SLC4A7: variants seen among roughly 807,000 people sequenced by gnomAD.
The protein encoded by SLC4A7 is sodium bicarbonate cotransporter 3.
In SLC4A7, 51 loss-of-function variants were observed where a neutral mutation model predicts 137.6. The ratio of observed to expected loss-of-function variants is 0.37; its 90% CI spans 0.30 to 0.47. SLC4A7 has a LOEUF of 0.47. Ranked by LOEUF, SLC4A7 falls within the 20% of genes least tolerant of loss-of-function variation. SLC4A7 has a pLI of 1.00. For missense variants in SLC4A7, 1,247 were observed against 1,525.4 expected (o/e 0.82, Z 3.04); for synonymous variants, 542 against 518.6 (o/e 1.05, Z -0.61).
chr3:27,471,086 T>G (rs1175765164), intron 1 of SLC4A7, among the ~76,000 whole-genome samples: 1 of 152,238 alleles, frequency 6.6e-6, no homozygotes, highest in Non-Finnish European at 1.5e-5. Flanking sequence ...TTACATGTCA[T>G]GTATGTATGC....
chr3:27,455,771 G>C (rs145958810), intron 1 of SLC4A7, among the ~76,000 whole-genome samples: 109 of 151,730 alleles, frequency 7.2e-4, no homozygotes, highest in East Asian at 4.3e-3. Context: ...CCAGTTACTT[G>C]GGTTGAACCC....
intron 3 of SLC4A7, among the ~76,000 whole-genome samples, chr3:27,440,032 T>C (rs966804901): frequency 2.0e-5 from 3 of 152,194 alleles, no homozygotes; most frequent in Middle Eastern, 3.2e-3. Context: ...CTTAGTTACA[T>C]TGACAGATGT....
chr3:27,434,990 T>G (rs958688026), intron 5 of SLC4A7, among the ~76,000 whole-genome samples: 1 of 152,184 alleles, frequency 6.6e-6, no homozygotes, highest in Non-Finnish European at 1.5e-5. Flanking sequence ...GAAACCCATA[T>G]GTATTATACA....
At chr3:27,453,690 A>C (rs548317072) in intron 1 of SLC4A7, among the ~76,000 whole-genome samples, 1 of 152,346 alleles carries the variant, frequency 6.6e-6, no homozygotes, top group East Asian at 1.9e-4. Flanking sequence ...TCAGTAAGTA[A>C]ACTCAGGAAC....
In SLC4A7 at chr3:27,447,368, C is replaced by A. The variant is rs565809169; in HGVS notation, c.289+1283G>T. Reference sequence around the variant, plus strand: ...AGAATGTTTAGACACAGAATTTGCACTTTAGATTTTACTATGCCATCAGTA... The same window carrying A: ...AGAATGTTTAGACACAGAATTTGCAATTTAGATTTTACTATGCCATCAGTA... On this transcript the variant is annotated intron_variant, in intron 3 of 25. Transcript: ENST00000454389. Among the ~76,000 whole-genome samples, 3 of 152,282 alleles carry A rather than the reference C, an allele frequency of 2.0e-5. No homozygotes were observed. The South Asian group carries it at 6.2e-4, about 32-fold the overall frequency.
At chr3:27,466,163 G>A (rs2058984378) in intron 1 of SLC4A7, among the ~76,000 whole-genome samples, 1 of 151,754 alleles carries the variant, frequency 6.6e-6, no homozygotes, top group African/African-American at 2.4e-5. Context: ...AGAAAAGGGG[G>A]TACATTGGCT....
chr3:27,414,002 A>G (rs2055124), intron 11 of SLC4A7, among the ~76,000 whole-genome samples: 140,794 of 152,258 alleles, frequency 0.92, 65,223 homozygotes, highest in East Asian at 1. Flanking sequence ...AGTTGAGGCC[A>G]GGCGTGGTGG....
At chr3:27,414,204 C>T (rs536550784) in intron 11 of SLC4A7, among the ~76,000 whole-genome samples, 4 of 152,160 alleles carry the variant, frequency 2.6e-5, no homozygotes, top group Non-Finnish European at 5.9e-5. Context: ...CACCTGAACC[C>T]GGGAGGCAGA....
intron 7 of SLC4A7, among the ~76,000 whole-genome samples, chr3:27,427,672 A>G (rs1014118505): frequency 6.6e-5 from 10 of 152,158 alleles, no homozygotes; most frequent in African/African-American, 2.4e-4. Context: ...AAACTCCATT[A>G]GAGTTTCTAG....
At position 27,431,310 on chromosome 3, in the gene SLC4A7, C is replaced by A; in HGVS notation, c.1138G>T (p.Asp380Tyr). The stretch of plus-strand genomic sequence containing the variant: ...TTTGGATAGTTGCCTGGAGTTAAGT[C>A]AACATTTTCCTCATTCTTCTGCTCC... ...GEEQKNEENV[D>Y]LTPGILASPQ... is the part of the protein sequence containing the mutation. The change falls in exon 7 of 26, where the codon GAC (aspartate) becomes TAC (tyrosine). Residue 380 changes from aspartate (D) to tyrosine (Y), a missense_variant. Asp to Tyr is a radical substitution (Grantham distance 160). Around this residue, in one of 6 missense-constraint regions of SLC4A7, gnomAD observed 499 missense variants for 664.2 expected, o/e 0.75. Transcript: ENST00000454389. 2 of 1,580,944 alleles carry A rather than the reference C, an allele frequency of 1.3e-6. No individual in the cohort carries two copies. The highest frequency in any genetic ancestry group is 1.2e-5 in the South Asian group (1 of 86,120).
At chr3:27,395,189 G>A in intron 18 of SLC4A7, 74 bp from the exon 19 acceptor site, 1 of 1,066,024 alleles carries the variant, frequency 9.4e-7, no homozygotes, top group Non-Finnish European at 1.3e-6. Flanking sequence ...ACATAGACTT[G>A]ATCTGTTCCA....
intron 21 of SLC4A7, among the ~76,000 whole-genome samples, chr3:27,391,187 G>A (rs1057312449): frequency 1.3e-5 from 2 of 152,134 alleles, no homozygotes; most frequent in African/African-American, 4.8e-5. Context: ...TTGTTTCCCA[G>A]TAACTATTAA....
intron 1 of SLC4A7, among the ~76,000 whole-genome samples, chr3:27,465,935 CAG>C (rs1170921122): frequency 1.7e-5 from 2 of 118,948 alleles, no homozygotes; most frequent in African/African-American, 3.3e-5. Flanking sequence ...GCCTGGGCGA[CAG>C]AGCAAGAGTC....
chr3:27,376,711 C>G lies in SLC4A7; in HGVS notation c.*53G>C. 4.8e-6 allele frequency: 5 copies of G among 1,036,226 alleles called. No individual in the cohort carries two copies. Among genetic ancestry groups the G allele is most frequent in the Non-Finnish European group, 7.5e-6 (5 of 666,856 alleles). 64.2% of individuals were successfully genotyped at this position (1,036,226 alleles called of 1,614,324 possible). A position where few individuals can be genotyped will look rare whatever the true frequency, so the allele number is the denominator to read the frequency against. ...TATTCTTATATATAGTGACATGATA[C>G]GCACACATTACATATGTATATATCT... On this transcript the variant is annotated 3_prime_UTR_variant, in exon 26 of 26. Transcript: ENST00000454389.
intron 19 of SLC4A7, 84 bp from the exon 20 acceptor site, chr3:27,394,853 G>A: frequency 1.3e-6 from 2 of 1,544,892 alleles, no homozygotes; most frequent in East Asian, 4.5e-5. Context: ...AAAGAGGGAA[G>A]AAGCTAATTT....
At chr3:27,416,726 T>C (rs2054424206) in intron 11 of SLC4A7, among the ~76,000 whole-genome samples, 1 of 152,158 alleles carries the variant, frequency 6.6e-6, no homozygotes, top group Admixed American at 6.5e-5. Context: ...TCATTTCATA[T>C]AAAAGCAACA....
chr3:27,409,301 A>G, intron 13 of SLC4A7, 55 bp downstream of exon 13: 1 of 1,358,030 alleles, frequency 7.4e-7, no homozygotes, highest in Non-Finnish European at 1.0e-6. Flanking sequence ...AAATGCATAC[A>G]GACACTTGCC....
intron 1 of SLC4A7, among the ~76,000 whole-genome samples, chr3:27,474,745 AG>A (rs2059396324): frequency 6.6e-6 from 1 of 152,198 alleles, no homozygotes; most frequent in African/African-American, 2.4e-5. Context: ...AAATAAATAA[AG>A]GAAGACAATT....
intron 22 of SLC4A7, among the ~76,000 whole-genome samples, chr3:27,388,863 G>A (rs1157495685): frequency 3.5e-5 from 4 of 113,304 alleles, no homozygotes; most frequent in South Asian, 2.2e-4. Flanking sequence ...TAATACTCTC[G>A]TGACCTATAA....
Sources: gnomAD v4.1 joint callset for allele counts (sites outside exome capture counted in the v4.1 genomes callset) on GRCh38, gnomAD v4.1.1 for gene constraint, gnomAD v4.1.1 regional missense constraint, MANE v1.5 for transcripts, NCBI Gene and HGNC (gene_info 2026-07-23, HGNC 2026-07-21) for gene names.